Variants in DLGAP2 observed in about 807,000 individuals in gnomAD.
DLGAP2 encodes the protein DLG associated protein 2.
DLGAP2 carries 26 observed loss-of-function variants against 100.3 expected under a neutral mutation model. That is an observed-to-expected ratio of 0.26 (90% CI 0.19 to 0.36). The LOEUF (loss-of-function observed/expected upper bound fraction) is 0.36. Among genes scored for constraint, DLGAP2 ranks in the 10% least tolerant of loss-of-function variants. DLGAP2 has a pLI of 1.00. For missense variants in DLGAP2, 1,858 were observed against 1,453.2 expected, an observed-to-expected ratio of 1.28 and a Z score of -4.53; for synonymous variants, 886 against 630.1, an observed-to-expected ratio of 1.41 and a Z score of -6.08.
intron 4 of DLGAP2, among the ~76,000 whole-genome samples, chr8:1,514,098 G>T (rs950577361): frequency 3.9e-5 from 6 of 152,242 alleles, no homozygotes; most frequent in African/African-American, 9.6e-5. Context: ...CAGGCATTGG[G>T]TGGCGTCTTG....
At chr8:944,749 C>T (rs186598003) in intron 2 of DLGAP2, among the ~76,000 whole-genome samples, 10 of 149,732 alleles carry the variant, frequency 6.7e-5, no homozygotes, top group African/African-American at 1.7e-4. Context: ...TGCAGGTGAT[C>T]TGGTGGGTGG....
At chr8:1,150,839 G>T (rs1245152075) in intron 2 of DLGAP2, among the ~76,000 whole-genome samples, 1 of 152,128 alleles carries the variant, frequency 6.6e-6, no homozygotes, top group Non-Finnish European at 1.5e-5. Flanking sequence ...ATCATTATTT[G>T]AAATATATTA....
At position 1,681,710 on chromosome 8, in the gene DLGAP2, G is replaced by A; in HGVS notation, c.2704+3081G>A. 1.3e-5 allele frequency among the ~76,000 whole-genome samples: 2 copies of A among 152,232 alleles called. 1 individual carries two copies. ...GAACACATATGATATGTCAGGCCCT[G>A]TGCCGAATGCACTGCAGACCTCATT... On this transcript the variant is annotated intron_variant, in intron 12 of 14. Transcript: ENST00000637795.
At chr8:1,078,316 C>A (rs944257163) in intron 2 of DLGAP2, among the ~76,000 whole-genome samples, 1 of 152,168 alleles carries the variant, frequency 6.6e-6, no homozygotes, top group Non-Finnish European at 1.5e-5. Context: ...GAGTTCCCAC[C>A]TACTCTTTTT....
intron 2 of DLGAP2, among the ~76,000 whole-genome samples, chr8:1,138,234 C>T (rs1209292841): frequency 6.6e-6 from 1 of 152,192 alleles, no homozygotes; most frequent in Non-Finnish European, 1.5e-5. Flanking sequence ...CTCCCTGAGT[C>T]CCCTGTTGGT....
At chr8:1,187,923 G>A (rs201625602) in intron 2 of DLGAP2, among the ~76,000 whole-genome samples, 2 of 124,832 alleles carry the variant, frequency 1.6e-5, no homozygotes, top group East Asian at 2.2e-4. Context: ...TTTGCCTCAC[G>A]GAATCTTGCA....
chr8:1,312,517 A>C (rs1300927831), intron 3 of DLGAP2, among the ~76,000 whole-genome samples: 1 of 152,170 alleles, frequency 6.6e-6, no homozygotes, highest in Non-Finnish European at 1.5e-5. Context: ...GAACAGATTC[A>C]GGGTTTCTGG....
intron 2 of DLGAP2, among the ~76,000 whole-genome samples, chr8:1,222,126 A>C (rs1386052953): frequency 6.6e-6 from 1 of 152,152 alleles, no homozygotes; most frequent in Non-Finnish European, 1.5e-5. Flanking sequence ...GGGGAGCTAG[A>C]GCAGTCATTT....
intron 2 of DLGAP2, among the ~76,000 whole-genome samples, chr8:1,092,579 C>T (rs1804221762): frequency 1.3e-5 from 2 of 152,182 alleles, no homozygotes; most frequent in South Asian, 4.1e-4. Context: ...ACAGGTGGAC[C>T]CACTTCAGAG....
intron 2 of DLGAP2, among the ~76,000 whole-genome samples, chr8:967,582 C>T (rs180971094): frequency 2.0e-5 from 3 of 151,190 alleles, no homozygotes; most frequent in Admixed American, 6.6e-5. Context: ...AAAATTTTGA[C>T]ATGCATGGCT....
intron 3 of DLGAP2, among the ~76,000 whole-genome samples, chr8:1,261,404 G>T (rs1799346976): frequency 1.3e-5 from 2 of 150,104 alleles, no homozygotes; most frequent in Non-Finnish European, 3.0e-5. Flanking sequence ...TGGGAGGGCA[G>T]GTCAGCTTCC....
intron 3 of DLGAP2, among the ~76,000 whole-genome samples, chr8:1,429,271 TCTC>T (rs775749452): frequency 6.6e-6 from 1 of 152,128 alleles, no homozygotes; most frequent in Non-Finnish European, 1.5e-5. Flanking sequence ...TGGTAAGGGC[TCTC>T]GTTTCATTTC....
chr8:994,588 C>A (rs1325463537), intron 2 of DLGAP2, among the ~76,000 whole-genome samples: 1 of 152,184 alleles, frequency 6.6e-6, no homozygotes, highest in Non-Finnish European at 1.5e-5. Context: ...AATTCTGCAC[C>A]TGTGCTGCTT....
intron 2 of DLGAP2, among the ~76,000 whole-genome samples, chr8:1,211,410 A>G (rs1255309950): frequency 6.6e-6 from 1 of 152,218 alleles, no homozygotes; most frequent in Admixed American, 6.5e-5. Context: ...GTGCAGCAAA[A>G]AGGATTTCGC....
chr8:1,010,186 C>T (rs1042045720), intron 2 of DLGAP2, among the ~76,000 whole-genome samples: 1 of 152,232 alleles, frequency 6.6e-6, no homozygotes, highest in African/African-American at 2.4e-5. Context: ...CACATGCACA[C>T]ACATGCATGC....
chr8:1,455,091 G>C (rs1798270360), intron 3 of DLGAP2, among the ~76,000 whole-genome samples: 1 of 152,230 alleles, frequency 6.6e-6, no homozygotes, highest in Non-Finnish European at 1.5e-5. Context: ...CTCCTTGGCT[G>C]CCGTGAGGGG....
At chr8:1,220,379 G>T (rs953947492) in intron 2 of DLGAP2, among the ~76,000 whole-genome samples, 1 of 152,072 alleles carries the variant, frequency 6.6e-6, no homozygotes, top group Non-Finnish European at 1.5e-5. Context: ...TAATTCAAGA[G>T]GAAGCTGTTT....
At position 1,373,314 on chromosome 8, in the gene DLGAP2, G is replaced by C. The variant is rs538760443; in HGVS notation, c.106+114431G>C. Among the ~76,000 whole-genome samples the C allele has an allele frequency of 7.2e-5, 11 of 151,968 alleles. No individual in the cohort carries two copies. In the South Asian group the frequency reaches 2.3e-3, roughly 31 times the overall value. ...TCGGGAGCAGGGGCCGCGGGCGGCA[G>C]CTGACGGGCGGGCCCTTCCGGAGGC... On this transcript the variant is annotated intron_variant, in intron 3 of 14. Coordinates refer to ENST00000637795, the MANE Select transcript of DLGAP2 (RefSeq NM_001346810.2).
At chr8:1,247,251 T>G (rs1798930119) in intron 2 of DLGAP2, 1 of 144,772 alleles carries the variant, frequency 6.9e-6, no homozygotes, top group Non-Finnish European at 1.5e-5. Context: ...CGGGAAGACC[T>G]TTGAGATCAG....
Sources: allele counts gnomAD v4.1 joint callset (sites outside exome capture counted in the v4.1 genomes callset), GRCh38; gene constraint gnomAD v4.1.1; transcripts MANE v1.5; gene names NCBI Gene and HGNC (gene_info 2026-07-23, HGNC 2026-07-21).